Variants in NUMA1 observed in about 807,000 individuals in gnomAD.
The protein encoded by NUMA1 is SP-H antigen.
In NUMA1, 62 loss-of-function variants were observed where a neutral mutation model predicts 237.1. The ratio of observed to expected loss-of-function variants is 0.26; its 90% CI spans 0.21 to 0.32. The LOEUF (loss-of-function observed/expected upper bound fraction) is 0.32. Ranked by LOEUF, NUMA1 falls within the 10% of genes least tolerant of loss-of-function variation. The pLI, the probability that NUMA1 is intolerant of heterozygous loss-of-function variation, is 1.00. For synonymous variants in NUMA1, 1,028 were observed against 1,066.1 expected, an observed-to-expected ratio of 0.96 and a Z score of 0.70; for missense variants, 2,533 against 2,666.5, an observed-to-expected ratio of 0.95 and a Z score of 1.10.
Position 72,014,080 on chromosome 11 carries a change from C to A in NUMA1, c.3423G>T (p.Glu1141Asp), listed in dbSNP as rs1204729149. 1.9e-6 allele frequency: 3 copies of A among 1,610,952 alleles called. No individual in the cohort carries two copies. Among genetic ancestry groups the A allele is most frequent in the African/African-American group, 1.3e-5 (1 of 74,944 alleles). The stretch of plus-strand genomic sequence containing the variant: ...GGCTGCGTTCCAGGCTGTCAGCCTG[C>A]TCCTGCTGCTTCTGGCATTGCTGTT... ...KLEQQCQKQQ[E>D]QADSLERSLE... is the part of the protein sequence containing the mutation. The change falls in exon 15 of 27, where the codon GAG (glutamate) becomes GAT (aspartate). Residue 1141 changes from glutamate (E) to aspartate (D), a missense_variant. This residue lies in a region of NUMA1 where 1,414 missense variants were observed against 1,508.1 expected (regional missense o/e 0.94). Transcript: ENST00000393695. This position sits in a 1 kb window ranked among gnomAD's most constrained non-coding sequence, Gnocchi z 4.6.
At chr11:72,048,564 C>A (rs148503991) in intron 2 of NUMA1, among the ~76,000 whole-genome samples, 1 of 151,866 alleles carries the variant, frequency 6.6e-6, no homozygotes, top group Non-Finnish European at 1.5e-5. Flanking sequence ...GTAGAGATGG[C>A]GTTTCACCAT....
At chr11:72,056,867 A>T (rs1942682855) in intron 2 of NUMA1, among the ~76,000 whole-genome samples, 1 of 152,064 alleles carries the variant, frequency 6.6e-6, no homozygotes, top group Non-Finnish European at 1.5e-5. Flanking sequence ...CAGGACTGGA[A>T]GTAACAGAAG....
At chr11:72,042,640 T>C (rs1470058193) in intron 2 of NUMA1, among the ~76,000 whole-genome samples, 3 of 152,192 alleles carry the variant, frequency 2.0e-5, no homozygotes, top group Admixed American at 6.5e-5. Context: ...TAGGAGAATC[T>C]TGAACCTCAA....
intron 15 of NUMA1, 71 bp from the exon 16 acceptor site, chr11:72,012,513 C>A (rs1170931649): frequency 4.3e-6 from 6 of 1,405,328 alleles, no homozygotes; most frequent in East Asian, 4.6e-5. Context: ...TGCTGCCAGG[C>A]TGACCTCACT....
Position 72,009,258 on chromosome 11 carries a change from G to A in NUMA1, c.4839+10C>T. Reference sequence around the variant, plus strand: ...AGGAAGGTGGCATGGGCTGGGGCTGGGCTCCTTACCTGCAGCTTATAGTGC... The same window carrying A: ...AGGAAGGTGGCATGGGCTGGGGCTGAGCTCCTTACCTGCAGCTTATAGTGC... On this transcript the variant is annotated intron_variant, in intron 18 of 26. Coordinates refer to ENST00000393695, the MANE Select transcript of NUMA1 (RefSeq NM_006185.4). 3 of 1,610,964 alleles carry A rather than the reference G, an allele frequency of 1.9e-6. No homozygotes were observed. The highest frequency in any genetic ancestry group is 2.5e-6 in the Non-Finnish European group (3 of 1,179,252).
chr11:72,017,438 C>T (rs376949629), intron 13 of NUMA1: 1 of 535,318 alleles, frequency 1.9e-6, no homozygotes. Flanking sequence ...AGATCCACAT[C>T]TTGTGAACAG....
Position 72,013,149 on chromosome 11 carries a change from G to A in NUMA1, c.4354C>T (p.Arg1452Trp), listed in dbSNP as rs759247508. 17 of 1,613,888 alleles carry A rather than the reference G, an allele frequency of 1.1e-5. No homozygotes were observed. The highest frequency in any genetic ancestry group is 6.7e-5 in the East Asian group (3 of 44,896). Residue 1452 changes from arginine to tryptophan, a missense_variant, in exon 15 of 27, where the codon CGG (arginine) becomes TGG (tryptophan). Around this residue, in one of 3 missense-constraint regions of NUMA1, gnomAD observed 324 missense variants for 407.6 expected, o/e 0.79. Coordinates refer to ENST00000393695, the MANE Select transcript of NUMA1 (RefSeq NM_006185.4). The surrounding 1 kb of genome is among the most constrained non-coding windows in gnomAD (Gnocchi z 6.8). ...AGGTTGGCCCGCTCACCCAGCCCCC[G>A]GTTCTCCTCTGCCAGCAGGCCATGC... ...KAHGLLAEEN[R>W]GLGERANLGR...
chr11:72,020,486 T>C (rs1043962548), intron 8 of NUMA1: 1 of 152,238 alleles, frequency 6.6e-6, no homozygotes, highest in African/African-American at 2.4e-5. Context: ...GCCATTGATA[T>C]ATTCCGTACT....
Position 72,003,939 on chromosome 11 carries a change from G to C in NUMA1, c.6284C>G (p.Ala2095Gly). 1 of 1,613,548 alleles carries C rather than the reference G, an allele frequency of 6.2e-7. No homozygotes were observed. Among genetic ancestry groups the C allele is most frequent in the African/African-American group, 1.3e-5 (1 of 75,040 alleles). The change falls in exon 26 of 27, where the codon GCC becomes GGC. Residue 2095 changes from alanine (A) to glycine (G), a missense_variant. Around this residue, in one of 3 missense-constraint regions of NUMA1, gnomAD observed 795 missense variants for 750.8 expected, o/e 1.06. Transcript: ENST00000393695. The part of the protein sequence containing the change: ...RRSPRIATTT[A>G]SAATAAAIGA... ...AATGGCGGCAGCAGTGGCGGCGCTG[G>C]CTGTGGTGGTGGCAATGCGCGGAGA... is the stretch of plus-strand genomic sequence containing the variant.
chr11:72,073,047 T>TAAAAAAAAAA (rs1298771312), intron 1 of NUMA1, among the ~76,000 whole-genome samples: 6 of 1,256 alleles, frequency 4.8e-3, no homozygotes, highest in Non-Finnish European at 0.025. Flanking sequence ...AGACTCCGTC[T>TAAAAAAAAAA]CAAAAAAAAA....
At chr11:72,021,088 T>A (rs1938742893) in intron 8 of NUMA1, 116 bp downstream of exon 8, 1 of 800,518 alleles carries the variant, frequency 1.2e-6, no homozygotes, top group Non-Finnish European at 2.1e-6. Flanking sequence ...TTCCTGAGCA[T>A]CAACTCTGCC....
At position 72,012,398 on chromosome 11, in the gene NUMA1, T is replaced by TAC; in HGVS notation, c.4650+1_4650+2dup. On this transcript the variant is annotated splice_region_variant and intron_variant, in intron 16 of 26. Transcript: ENST00000393695. ...AGCATTTAGCGAGGACCTCAGGCAT[T>TAC]ACCTGCTTAGTTTGCTCTCTCTGAA... The TAC allele has an allele frequency of 1.9e-6, 3 of 1,612,960 alleles. No individual in the cohort carries two copies. The highest frequency in any genetic ancestry group is 2.5e-6 in the Non-Finnish European group (3 of 1,179,518).
intron 17 of NUMA1, among the ~76,000 whole-genome samples, chr11:72,010,527 TAATA>T (rs2134746599): frequency 6.6e-6 from 1 of 152,360 alleles, no homozygotes; most frequent in Non-Finnish European, 1.5e-5. Flanking sequence ...GGATTTACTT[TAATA>T]AATTTCAATA....
Position 72,016,108 on chromosome 11 carries a change from A to G in NUMA1, c.1395T>C (p.Ser465=), listed in dbSNP as rs1227444473. The change falls in exon 15 of 27, where the codon TCT becomes TCC. Residue 465 remains serine (S), a synonymous_variant. Transcript: ENST00000393695. ...GHFEEEKQQL[S]SLITDLQSSI... Reference sequence around the variant, plus strand: ...AGCTCTGCAGGTCAGTGATCAGGCTAGACAGCTGCTGCTTTTCTTCTTCGA... The same window carrying G: ...AGCTCTGCAGGTCAGTGATCAGGCTGGACAGCTGCTGCTTTTCTTCTTCGA... The G allele has an allele frequency of 6.2e-7, 1 of 1,614,170 alleles. No homozygotes were observed. The highest frequency in any genetic ancestry group is 1.7e-5 in the Admixed American group (1 of 60,018).
rs1438634490 is a variant in NUMA1, at chr11:72,015,546, C to T, written c.1957G>A (p.Glu653Lys). The change falls in exon 15 of 27, where the codon GAG becomes AAG. Residue 653 changes from glutamate (E) to lysine (K), a missense_variant. Transcript: ENST00000393695. This position sits in a 1 kb window ranked among gnomAD's most constrained non-coding sequence, Gnocchi z 4.0. ...REKAELSRKV[E>K]ELQACVETAR... ...GTCTCAACACAGGCCTGGAGTTCCTCCACCTTCCGGCTCAGCTCTGCCTTC... is the reference window on the plus strand; with the variant it reads ...GTCTCAACACAGGCCTGGAGTTCCTTCACCTTCCGGCTCAGCTCTGCCTTC... The T allele has an allele frequency of 2.5e-6, 4 of 1,613,446 alleles. No homozygotes were observed. Among genetic ancestry groups the T allele is most frequent in the Non-Finnish European group, 2.5e-6 (3 of 1,180,042 alleles).
intron 16 of NUMA1, 85 bp from the exon 17 acceptor site, chr11:72,010,939 C>G (rs1956117519): frequency 8.4e-7 from 1 of 1,192,190 alleles, no homozygotes; most frequent in Middle Eastern, 1.9e-4. Flanking sequence ...TGGGGTTTCC[C>G]AGACCAGGAT....
chr11:72,069,278 A>G (rs560636046), intron 2 of NUMA1, among the ~76,000 whole-genome samples: 2 of 152,214 alleles, frequency 1.3e-5, no homozygotes, highest in East Asian at 3.8e-4. Flanking sequence ...CCCTTTTTAC[A>G]TATGAGAAAA....
chr11:72,018,636 G>A (rs937876373), intron 10 of NUMA1, 123 bp from the exon 11 acceptor site: 1 of 1,053,658 alleles, frequency 9.5e-7, no homozygotes, highest in East Asian at 2.4e-5. Context: ...GAGGAATATG[G>A]TATCCAATCT....
chr11:72,078,805 T>C (rs1468417142), intron 1 of NUMA1, among the ~76,000 whole-genome samples: 1 of 152,202 alleles, frequency 6.6e-6, no homozygotes, highest in Non-Finnish European at 1.5e-5. Context: ...AACCCATCTG[T>C]GCTGACAGAA....
Sources: allele counts gnomAD v4.1 joint callset (sites outside exome capture counted in the v4.1 genomes callset), GRCh38; gene constraint gnomAD v4.1.1; regional missense constraint gnomAD v4.1.1; non-coding constraint Gnocchi (gnomAD v3.1); transcripts MANE v1.5; gene names NCBI Gene and HGNC (gene_info 2026-07-23, HGNC 2026-07-21).